The following PDE4D variants were observed in gnomAD, a reference collection of about 807,000 sequenced individuals.
PDE4D encodes phosphodiesterase 4D.
A neutral mutation model predicts 87.4 loss-of-function variants in PDE4D; 24 were observed. The observed-to-expected ratio is 0.27, with a 90% CI of 0.20 to 0.39. The LOEUF (loss-of-function observed/expected upper bound fraction) is 0.39, where lower values mean the gene tolerates loss of function less well. PDE4D is among the 10% of genes least tolerant of loss of function. The pLI, the probability that PDE4D is intolerant of heterozygous loss-of-function variation, is 1.00. For missense variants in PDE4D, 714 were observed against 1,041.0 expected, an observed-to-expected ratio of 0.69 and a Z score of 4.32; for synonymous variants, 384 against 383.2, an observed-to-expected ratio of 1.00 and a Z score of -0.02.
At chr5:58,984,456 T>C (rs1390166782) in intron 11 of PDE4D, among the ~76,000 whole-genome samples, 4 of 152,242 alleles carry the variant, frequency 2.6e-5, no homozygotes. Flanking sequence ...TACATTTTTG[T>C]TGAATAAAAT....
At chr5:59,751,630 G>A (rs567674172) in intron 1 of PDE4D, among the ~76,000 whole-genome samples, 3 of 149,614 alleles carry the variant, frequency 2.0e-5, no homozygotes, top group Admixed American at 1.3e-4. Context: ...GCGAGCGAGC[G>A]AGCAAGCGAG....
intron 1 of PDE4D, among the ~76,000 whole-genome samples, chr5:59,391,903 C>A (rs1448930086): frequency 6.7e-6 from 1 of 150,062 alleles, no homozygotes; most frequent in Non-Finnish European, 1.5e-5. Flanking sequence ...ATCACAAAAT[C>A]TTCCCCATAC....
In PDE4D at chr5:60,166,413, A is replaced by T. The variant is rs556199001; in HGVS notation, c.42+19144T>A. Among the ~76,000 whole-genome samples, 4 of 152,362 alleles carry T rather than the reference A, an allele frequency of 2.6e-5. No homozygotes were observed. The South Asian group carries it at 8.3e-4, about 32-fold the overall frequency. ...TAACATGGATTGCAAAATAAAAATT[A>T]AAAAACTCTAAACTTTTACCTCATT... On this transcript the variant is annotated intron_variant, in intron 2 of 16. Coordinates refer to the PDE4D transcript ENST00000502484.
intron 1 of PDE4D, among the ~76,000 whole-genome samples, chr5:60,268,732 G>C (rs1291270862): frequency 2.0e-5 from 3 of 152,144 alleles, no homozygotes; most frequent in African/African-American, 4.8e-5. Flanking sequence ...GAAGTTCTAT[G>C]CCATATTTTG....
At chr5:59,745,475 C>A (rs538981324) in intron 1 of PDE4D, among the ~76,000 whole-genome samples, 1 of 152,274 alleles carries the variant, frequency 6.6e-6, no homozygotes, top group Admixed American at 6.5e-5. Flanking sequence ...TTGGCAAGAG[C>A]GTCATCAGAG....
rs575519154 is a variant in PDE4D, at chr5:59,464,645, C to T, written c.456-248677G>A. 4.0e-4 allele frequency among the ~76,000 whole-genome samples: 61 copies of T among 152,218 alleles called. No homozygotes were observed. In the South Asian group the frequency reaches 0.011, roughly 29 times the overall value. ...TACGCTGAACGCTGGTTCCCTGGGT[C>T]CCCTTATTTCTTTCTCTATACTTTG... On this transcript the variant is annotated intron_variant, in intron 1 of 14. Transcript: ENST00000340635.
chr5:60,253,036 T>C (rs1748646781), intron 1 of PDE4D, among the ~76,000 whole-genome samples: 2 of 151,844 alleles, frequency 1.3e-5, no homozygotes, highest in African/African-American at 4.8e-5. Flanking sequence ...AGAAACAATT[T>C]ACCAGCAACG....
intron 1 of PDE4D, among the ~76,000 whole-genome samples, chr5:60,479,041 C>T (rs145279932): frequency 7.1e-4 from 108 of 152,104 alleles, no homozygotes; most frequent in Middle Eastern, 3.4e-3. Context: ...CTGAGGCTGG[C>T]GGTGGCAATG....
chr5:60,064,572 A>G (rs1771843068), intron 2 of PDE4D, among the ~76,000 whole-genome samples: 3 of 152,142 alleles, frequency 2.0e-5, no homozygotes, highest in African/African-American at 7.2e-5. Flanking sequence ...ATATTTTCTG[A>G]TTAAAAACTT....
At chr5:60,356,928 G>A (rs1005691626) in intron 1 of PDE4D, among the ~76,000 whole-genome samples, 1 of 152,136 alleles carries the variant, frequency 6.6e-6, no homozygotes, top group Non-Finnish European at 1.5e-5. Flanking sequence ...CATCTGGCAT[G>A]CAGCTATGGA....
chr5:60,207,029 G>T (rs1273414801), intron 1 of PDE4D, among the ~76,000 whole-genome samples: 2 of 152,214 alleles, frequency 1.3e-5, no homozygotes, highest in Non-Finnish European at 2.9e-5. Flanking sequence ...TGAAAACAAA[G>T]TGTGTAATTT....
intron 1 of PDE4D, among the ~76,000 whole-genome samples, chr5:59,764,246 T>A (rs1445221513): frequency 4.6e-5 from 7 of 152,194 alleles, no homozygotes; most frequent in African/African-American, 1.7e-4. Context: ...AAGGCTGGAA[T>A]AATGGGCACA....
chr5:59,735,646 A>C (rs1253334533), intron 1 of PDE4D, among the ~76,000 whole-genome samples: 1 of 152,164 alleles, frequency 6.6e-6, no homozygotes. Context: ...AAGCATGCTA[A>C]GCAAAATATC....
intron 1 of PDE4D, among the ~76,000 whole-genome samples, chr5:60,344,591 T>C (rs183059743): frequency 3.3e-5 from 5 of 152,258 alleles, no homozygotes; most frequent in Admixed American, 2.6e-4. Flanking sequence ...ACCTATGCAA[T>C]AAAATCTTTA....
At chr5:59,174,432 C>T (rs1407647492) in intron 5 of PDE4D, 1 of 152,620 alleles carries the variant, frequency 6.6e-6, no homozygotes, top group African/African-American at 2.4e-5. Flanking sequence ...GTGTCTCCCC[C>T]TACAGGTAAA....
chr5:59,413,949 T>C (rs1369929607), intron 1 of PDE4D, among the ~76,000 whole-genome samples: 1 of 152,214 alleles, frequency 6.6e-6, no homozygotes, highest in East Asian at 1.9e-4. Flanking sequence ...CACACATATA[T>C]ATATCTGTGC....
intron 2 of PDE4D, among the ~76,000 whole-genome samples, chr5:60,111,442 T>G (rs1172309847): frequency 6.6e-6 from 1 of 152,010 alleles, no homozygotes; most frequent in East Asian, 1.9e-4. Flanking sequence ...AAAAGTATCA[T>G]ATATTTGTTA....
At chr5:60,012,721 C>A (rs1439123015) in intron 2 of PDE4D, among the ~76,000 whole-genome samples, 1 of 152,042 alleles carries the variant, frequency 6.6e-6, no homozygotes, top group African/African-American at 2.4e-5. Flanking sequence ...TGTGGGAGTC[C>A]CCTTTTTAGG....
intron 1 of PDE4D, among the ~76,000 whole-genome samples, chr5:60,475,501 GA>G (rs1430159226): frequency 6.6e-6 from 1 of 152,078 alleles, no homozygotes; most frequent in Non-Finnish European, 1.5e-5. Context: ...ATCCTATGAC[GA>G]AAATGGCTTT....
Sources: allele counts gnomAD v4.1 joint callset (sites outside exome capture counted in the v4.1 genomes callset), GRCh38; gene constraint gnomAD v4.1.1; transcripts MANE v1.5; gene names NCBI Gene and HGNC (gene_info 2026-07-23, HGNC 2026-07-21).